Variants in SLC35F4 observed in about 807,000 individuals in gnomAD.
SLC35F4 encodes the protein solute carrier family 35 member F4.
In SLC35F4, 24 loss-of-function variants were observed where a neutral mutation model predicts 44.2. That is an observed-to-expected ratio of 0.54 (90% CI 0.39 to 0.76). The LOEUF is 0.76. SLC35F4 is among the 30% of genes least tolerant of loss of function. The pLI, the probability that SLC35F4 is intolerant of heterozygous loss-of-function variation, is 0.00. For synonymous variants in SLC35F4, 238 were observed against 223.6 expected (o/e 1.06, Z -0.57); for missense variants, 562 against 586.1 (o/e 0.96, Z 0.42).
chr14:57,720,598 T>C (rs1594880414), intron 1 of SLC35F4, among the ~76,000 whole-genome samples: 2 of 152,236 alleles, frequency 1.3e-5, no homozygotes, highest in African/African-American at 4.8e-5. Context: ...TCTTCTAGAC[T>C]GTGATGGCTA....
chr14:57,745,143 T>C (rs893493145), intron 1 of SLC35F4, among the ~76,000 whole-genome samples: 11 of 152,180 alleles, frequency 7.2e-5, no homozygotes, highest in Non-Finnish European at 1.2e-4. Flanking sequence ...GAAGAAAACC[T>C]AGGCAATACC....
At chr14:57,634,232 ATT>A (rs1465800501) in intron 1 of SLC35F4, among the ~76,000 whole-genome samples, 1 of 152,148 alleles carries the variant, frequency 6.6e-6, no homozygotes, top group Non-Finnish European at 1.5e-5. Context: ...CACCTATCTC[ATT>A]AATAAAATGT....
intron 1 of SLC35F4, among the ~76,000 whole-genome samples, chr14:57,964,772 A>C (rs1234159632): frequency 6.6e-6 from 1 of 151,990 alleles, no homozygotes; most frequent in Non-Finnish European, 1.5e-5. Flanking sequence ...ATGGCAGTGA[A>C]GGGTGGCATG....
intron 1 of SLC35F4, among the ~76,000 whole-genome samples, chr14:57,653,266 A>C (rs1225634088): frequency 1.3e-5 from 2 of 152,186 alleles, no homozygotes; most frequent in Admixed American, 6.5e-5. Flanking sequence ...CACAAGGCCC[A>C]ATAAAATGAG....
At chr14:57,659,083 G>C (rs1326629137) in intron 1 of SLC35F4, among the ~76,000 whole-genome samples, 2 of 152,184 alleles carry the variant, frequency 1.3e-5, no homozygotes, top group Non-Finnish European at 2.9e-5. Context: ...TCTTAAATCA[G>C]AAGAATTCAG....
intron 1 of SLC35F4, among the ~76,000 whole-genome samples, chr14:57,856,516 A>G (rs1887106257): frequency 6.6e-6 from 1 of 152,078 alleles, no homozygotes; most frequent in African/African-American, 2.4e-5. Flanking sequence ...ACAAATATCC[A>G]GTTTATATGT....
At position 57,865,883 on chromosome 14, in the gene SLC35F4, C is replaced by T. The variant is rs1888125924; in HGVS notation, c.-58G>A. ...GGGGCGGAGAGCGCAGCGCGGGGCC[C>T]GGGAGCTGGTGCAGGTGCCGGAGCC... On this transcript the variant is annotated 5_prime_UTR_variant, in exon 1 of 8. Coordinates refer to ENST00000556826, the MANE Select transcript of SLC35F4 (RefSeq NM_001306087.2). 2 of 1,295,298 alleles carry T rather than the reference C, an allele frequency of 1.5e-6. No homozygotes were observed. Among genetic ancestry groups the T allele is most frequent in the South Asian group, 1.4e-5 (1 of 71,242 alleles). The allele number at this position is 1,295,298 out of a possible 1,614,324, so 80.2% of individuals were successfully genotyped here.
chr14:57,714,917 G>T (rs1566788689), intron 1 of SLC35F4, among the ~76,000 whole-genome samples: 1 of 152,202 alleles, frequency 6.6e-6, no homozygotes, highest in Non-Finnish European at 1.5e-5. Flanking sequence ...AATGCAAAGA[G>T]TGGGAAGATG....
chr14:57,818,034 G>A (rs1481955749), intron 1 of SLC35F4, among the ~76,000 whole-genome samples: 1 of 152,104 alleles, frequency 6.6e-6, no homozygotes, highest in Non-Finnish European at 1.5e-5. Flanking sequence ...AAAATTGACA[G>A]TAGGCAATAC....
At chr14:57,623,393 G>T (rs1457974419) in intron 1 of SLC35F4, among the ~76,000 whole-genome samples, 1 of 152,126 alleles carries the variant, frequency 6.6e-6, no homozygotes, top group Non-Finnish European at 1.5e-5. Context: ...GTCAACATTA[G>T]ACAGATCAAC....
chr14:57,861,431 G>T (rs796577928), intron 1 of SLC35F4, among the ~76,000 whole-genome samples: 45 of 152,082 alleles, frequency 3.0e-4, no homozygotes, highest in African/African-American at 1.0e-3. Context: ...ATTCTCATTT[G>T]CATGCAGACT....
chr14:57,920,994 A>C (rs1027102462), intron 1 of SLC35F4, among the ~76,000 whole-genome samples: 2 of 152,224 alleles, frequency 1.3e-5, no homozygotes, highest in African/African-American at 2.4e-5. Flanking sequence ...AAGGAAGAAC[A>C]ATTGAAGATG....
At chr14:57,674,598 T>A (rs543771044) in intron 1 of SLC35F4, among the ~76,000 whole-genome samples, 1 of 152,264 alleles carries the variant, frequency 6.6e-6, no homozygotes, top group East Asian at 1.9e-4. Context: ...AGAAAGCAGC[T>A]ACAGCACACA....
chr14:57,694,541 A>G (rs1266377540), intron 1 of SLC35F4, among the ~76,000 whole-genome samples: 1 of 152,182 alleles, frequency 6.6e-6, no homozygotes, highest in Non-Finnish European at 1.5e-5. Flanking sequence ...TCATGTTAAT[A>G]GAAACAGTTT....
At chr14:57,876,302 G>A (rs1005678371) in intron 1 of SLC35F4, among the ~76,000 whole-genome samples, 29 of 152,012 alleles carry the variant, frequency 1.9e-4, no homozygotes, top group African/African-American at 6.5e-4. Context: ...CTTTGTGGGG[G>A]CATTTATCAC....
chr14:57,663,601 C>T (rs1372535774), intron 1 of SLC35F4, among the ~76,000 whole-genome samples: 1 of 152,160 alleles, frequency 6.6e-6, no homozygotes, highest in Non-Finnish European at 1.5e-5. Flanking sequence ...GATACCTCGA[C>T]ACAATTGCTC....
chr14:57,641,569 A>C (rs2073240087), intron 1 of SLC35F4, among the ~76,000 whole-genome samples: 1 of 152,042 alleles, frequency 6.6e-6, no homozygotes. Context: ...TTAAACCTCC[A>C]AAACCACAAA....
chr14:57,967,930 CAAAT>C (rs1235874765), intron 1 of SLC35F4, among the ~76,000 whole-genome samples: 1 of 152,142 alleles, frequency 6.6e-6, no homozygotes, highest in African/African-American at 2.4e-5. Context: ...TCATAAAAGT[CAAAT>C]AAATCTATAA....
chr14:57,722,609 G>A (rs1594885793), intron 1 of SLC35F4, among the ~76,000 whole-genome samples: 1 of 152,158 alleles, frequency 6.6e-6, no homozygotes, highest in Non-Finnish European at 1.5e-5. Flanking sequence ...CCAAGTAGTG[G>A]CACTCAACCG....
Sources: gnomAD v4.1 joint callset for allele counts (sites outside exome capture counted in the v4.1 genomes callset) on GRCh38, gnomAD v4.1.1 for gene constraint, MANE v1.5 for transcripts, NCBI Gene and HGNC (gene_info 2026-07-23, HGNC 2026-07-21) for gene names.